Variants in SHANK2 observed in about 807,000 individuals in gnomAD.
SHANK2 encodes the protein SH3 and multiple ankyrin repeat domains 2, also known as SH3 and multiple ankyrin repeat domains protein 2.
In SHANK2, 43 loss-of-function variants were observed where a neutral mutation model predicts 133.7. That is an observed-to-expected ratio of 0.32 (90% CI 0.25 to 0.41). The LOEUF (loss-of-function observed/expected upper bound fraction) is 0.41. Ranked by LOEUF, SHANK2 falls within the 10% of genes least tolerant of loss-of-function variation. The pLI is 1.00. For missense variants in SHANK2, 1,994 were observed against 2,235.8 expected, an observed-to-expected ratio of 0.89 and a Z score of 2.18; for synonymous variants, 1,017 against 952.8, an observed-to-expected ratio of 1.07 and a Z score of -1.24.
intron 17 of SHANK2, among the ~76,000 whole-genome samples, chr11:70,638,725 A>G (rs1199477132): frequency 6.6e-6 from 1 of 152,204 alleles, no homozygotes; most frequent in African/African-American, 2.4e-5. Context: ...TTGAGAGTCC[A>G]GCCGGGCACG....
intron 14 of SHANK2, among the ~76,000 whole-genome samples, chr11:70,780,576 A>ATT (rs35733465): frequency 0.037 from 5,189 of 140,766 alleles, 304 homozygotes; most frequent in African/African-American, 0.11. Flanking sequence ...CTGGTAATGC[A>ATT]TTTTTTTTTT....
At chr11:71,179,056 A>T (rs1953499938) in intron 2 of SHANK2, among the ~76,000 whole-genome samples, 1 of 152,128 alleles carries the variant, frequency 6.6e-6, no homozygotes, top group Non-Finnish European at 1.5e-5. Context: ...GGAGGATTAT[A>T]TTTTTTTCCA....
At chr11:71,229,935 A>T (rs1954713728) in intron 1 of SHANK2, among the ~76,000 whole-genome samples, 1 of 152,230 alleles carries the variant, frequency 6.6e-6, no homozygotes, top group Admixed American at 6.5e-5. Flanking sequence ...CAACATAGTC[A>T]GAAGGTCAAT....
intron 15 of SHANK2, 134 bp from the exon 16 acceptor site, chr11:70,661,812 G>A: frequency 6.2e-7 from 1 of 1,611,658 alleles, no homozygotes; most frequent in Non-Finnish European, 8.5e-7. Context: ...CAGCATGGAG[G>A]AAAGGAGGCA....
chr11:71,120,466 G>C (rs1952061146), intron 3 of SHANK2, among the ~76,000 whole-genome samples: 1 of 152,174 alleles, frequency 6.6e-6, no homozygotes, highest in African/African-American at 2.4e-5. Context: ...CAGCCCGAGG[G>C]TAAGTTCCTC....
intron 17 of SHANK2, among the ~76,000 whole-genome samples, chr11:70,537,251 A>G (rs2059556400): frequency 6.6e-6 from 1 of 152,256 alleles, no homozygotes; most frequent in East Asian, 1.9e-4. Context: ...TCATTAGGAA[A>G]GAAGCCCCCA....
intron 6 of SHANK2, among the ~76,000 whole-genome samples, chr11:71,099,235 G>A (rs997149675): frequency 6.6e-6 from 1 of 151,984 alleles, no homozygotes; most frequent in Non-Finnish European, 1.5e-5. Context: ...ACCCGGGTGG[G>A]GCCCAGGGAC....
At chr11:70,608,805 C>A (rs1565175295) in intron 17 of SHANK2, among the ~76,000 whole-genome samples, 1 of 152,232 alleles carries the variant, frequency 6.6e-6, no homozygotes. Context: ...AATTACAAAC[C>A]TCTCAGCTAA....
intron 11 of SHANK2, among the ~76,000 whole-genome samples, chr11:70,868,200 G>A (rs1309137802): frequency 1.3e-5 from 2 of 152,200 alleles, no homozygotes; most frequent in African/African-American, 4.8e-5. Context: ...TTGGCCCAGA[G>A]GGTGCAGGTG....
chr11:70,636,750 GTGTGTGAGCATGTGTGTGAGCATC>G (rs1217106875), intron 17 of SHANK2, among the ~76,000 whole-genome samples: 5 of 23,976 alleles, frequency 2.1e-4, no homozygotes, highest in Non-Finnish European at 5.1e-4. Flanking sequence ...GTGTGAGCAT[GTGTGTGAGCATGTGTGTGAGCATC>G]TGTGTGAGCA....
chr11:71,076,845 C>T (rs1452968065), intron 8 of SHANK2, among the ~76,000 whole-genome samples: 1 of 152,224 alleles, frequency 6.6e-6, no homozygotes, highest in African/African-American at 2.4e-5. Context: ...AGAGAAGCTA[C>T]CAAGTCCCAA....
intron 17 of SHANK2, chr11:70,566,569 T>G (rs2059970987): frequency 6.6e-6 from 1 of 152,188 alleles, no homozygotes; most frequent in Non-Finnish European, 1.5e-5. Context: ...GACTTTCCAC[T>G]CTGAGTCCTT....
At chr11:70,515,768 C>T (rs545601781) in intron 17 of SHANK2, among the ~76,000 whole-genome samples, 1 of 151,964 alleles carries the variant, frequency 6.6e-6, no homozygotes, top group African/African-American at 2.4e-5. Flanking sequence ...GTCCTGATCA[C>T]ACCACTGCAC....
intron 3 of SHANK2, among the ~76,000 whole-genome samples, chr11:71,131,552 C>CT (rs1164050358): frequency 2.0e-5 from 3 of 152,214 alleles, no homozygotes; most frequent in African/African-American, 7.2e-5. Flanking sequence ...GGCTGCCTGT[C>CT]TGTCTCTGCT....
intron 16 of SHANK2, 80 bp downstream of exon 16, chr11:70,661,515 AC>A: frequency 4.0e-6 from 1 of 251,274 alleles, no homozygotes. Flanking sequence ...ACACACACAC[AC>A]ACACACACAC....
Position 70,812,145 on chromosome 11 carries a change from T to C in SHANK2, c.1494-4974A>G, listed in dbSNP as rs1186031802. ...CTGGTCCAGCTGGCACCAGAGTGCG[T>C]GTCACTTGACAGAGAAGTCAAAGTG... On this transcript the variant is annotated intron_variant, in intron 12 of 25. Coordinates refer to ENST00000601538, the MANE Select transcript of SHANK2 (RefSeq NM_012309.5). Among the ~76,000 whole-genome samples the C allele has an allele frequency of 2.0e-5, 3 of 152,254 alleles. No homozygotes were observed. In the East Asian group the frequency reaches 5.8e-4, roughly 29 times the overall value.
At chr11:71,076,552 A>T (rs1951223063) in intron 8 of SHANK2, among the ~76,000 whole-genome samples, 1 of 151,920 alleles carries the variant, frequency 6.6e-6, no homozygotes, top group Admixed American at 6.6e-5. Context: ...AAAACCACAC[A>T]CACACACGAG....
At chr11:70,842,639 C>T (rs1427011580) in intron 11 of SHANK2, among the ~76,000 whole-genome samples, 7 of 152,318 alleles carry the variant, frequency 4.6e-5, no homozygotes, top group Non-Finnish European at 8.8e-5. Context: ...CTAGGTCCCT[C>T]GGCCAGGAGT....
At chr11:71,197,207 C>T (rs577852881) in intron 2 of SHANK2, among the ~76,000 whole-genome samples, 1 of 152,254 alleles carries the variant, frequency 6.6e-6, no homozygotes, top group African/African-American at 2.4e-5. Flanking sequence ...TGTGACCCAA[C>T]GTGTTTGTAT....
Sources: gnomAD v4.1 joint callset for allele counts (sites outside exome capture counted in the v4.1 genomes callset) on GRCh38, gnomAD v4.1.1 for gene constraint, MANE v1.5 for transcripts, NCBI Gene and HGNC (gene_info 2026-07-23, HGNC 2026-07-21) for gene names.